The following DENND3 variants were observed in gnomAD, a reference collection of about 807,000 sequenced individuals.
DENND3 encodes the protein DENN domain containing 3, also known as DENN domain-containing protein 3.
Under a neutral mutation model 135.1 loss-of-function variants are expected in DENND3, and 88 were observed. The observed-to-expected ratio is 0.65, with a 90% CI of 0.55 to 0.78. The LOEUF (loss-of-function observed/expected upper bound fraction) is 0.78, where lower values mean the gene tolerates loss of function less well. Ranked by LOEUF, DENND3 falls within the 30% of genes least tolerant of loss-of-function variation. The pLI, the probability that DENND3 is intolerant of heterozygous loss-of-function variation, is 0.00. For synonymous variants in DENND3, 693 were observed against 712.3 expected, an observed-to-expected ratio of 0.97 and a Z score of 0.43; for missense variants, 1,392 against 1,688.4, an observed-to-expected ratio of 0.82 and a Z score of 3.08.
intron 1 of DENND3, among the ~76,000 whole-genome samples, chr8:141,129,434 T>G (rs1205273734): frequency 6.9e-6 from 1 of 145,754 alleles, no homozygotes; most frequent in East Asian, 2.2e-4. Context: ...CCCCCAACCC[T>G]TCCTCCATCT....
chr8:141,162,749 A>C (rs1820290384), intron 9 of DENND3, among the ~76,000 whole-genome samples: 1 of 152,204 alleles, frequency 6.6e-6, no homozygotes, highest in African/African-American at 2.4e-5. Context: ...CCCCATCTCT[A>C]CTAAAAATAT....
At position 141,190,559 on chromosome 8, in the gene DENND3, C is replaced by T. The variant is rs548539591; in HGVS notation, c.3379+142C>T. The T allele has an allele frequency of 1.7e-5, 22 of 1,287,112 alleles. No individual in the cohort carries two copies. The East Asian group carries it at 1.7e-4, about 10-fold the overall frequency. 79.7% of individuals were successfully genotyped at this position (1,287,112 alleles called of 1,614,324 possible). A position where few individuals can be genotyped will look rare whatever the true frequency, so the allele number is the denominator to read the frequency against. On this transcript the variant is annotated intron_variant, in intron 20 of 22. Coordinates refer to ENST00000519811, the MANE Select transcript of DENND3 (RefSeq NM_001352890.3). ...TAAACTCGGGTTCCCTTTCTGTGGT[C>T]GCAGCAACCTTTACTCCACCTGCAC... is the stretch of plus-strand genomic sequence containing the variant.
In DENND3 at chr8:141,146,839, T is replaced by C. The variant is rs1262152229; in HGVS notation, c.735+2580T>C. Among the ~76,000 whole-genome samples the C allele has an allele frequency of 6.6e-6, 1 of 152,142 alleles. No individual in the cohort carries two copies. The highest frequency in any genetic ancestry group is 1.5e-5 in the Non-Finnish European group (1 of 68,026). On this transcript the variant is annotated intron_variant, in intron 5 of 22. Coordinates refer to ENST00000519811, the MANE Select transcript of DENND3 (RefSeq NM_001352890.3). This position sits in a 1 kb window ranked among gnomAD's most constrained non-coding sequence, Gnocchi z 4.3. ...ATAGTTGGCATTTTCTTGTCAACAG[T>C]ATGTGCAGTGAAATCATCAAAGTTT...
intron 8 of DENND3, chr8:141,157,279 G>A: frequency 1.0e-6 from 1 of 982,818 alleles, no homozygotes; most frequent in Non-Finnish European, 1.2e-6. Flanking sequence ...GTGAGAGGAG[G>A]TGTAATTGCT....
chr8:141,157,703 T>C (rs1056448240), intron 8 of DENND3: 2 of 985,822 alleles, frequency 2.0e-6, no homozygotes, highest in Non-Finnish European at 2.4e-6. Flanking sequence ...CTTACCTTGG[T>C]GTGGATTATT....
intron 10 of DENND3, 43 bp from the exon 11 acceptor site, chr8:141,165,143 G>A: frequency 6.6e-7 from 1 of 1,511,784 alleles, no homozygotes; most frequent in Non-Finnish European, 9.2e-7. Context: ...AGGGACCTGG[G>A]GAGTCGGCAC....
chr8:141,182,488 G>A lies in DENND3; in HGVS notation c.2944+1634G>A, dbSNP rs1355641502. The A allele has an allele frequency of 2.0e-6, 2 of 985,418 alleles. No individual in the cohort carries two copies. The highest frequency in any genetic ancestry group is 2.4e-6 in the Non-Finnish European group (2 of 829,910). The allele number at this position is 985,418 out of a possible 1,614,324, so 61.0% of individuals were successfully genotyped here. A position where few individuals can be genotyped will look rare whatever the true frequency, so the allele number is the denominator to read the frequency against. ...TTTGACCGTGGCATTTGAATACATGGTATTTTTAGGTCCCGGTTGGTTTCC... is the reference window on the plus strand; with the variant it reads ...TTTGACCGTGGCATTTGAATACATGATATTTTTAGGTCCCGGTTGGTTTCC... On this transcript the variant is annotated intron_variant, in intron 17 of 22. Coordinates refer to ENST00000519811, the MANE Select transcript of DENND3 (RefSeq NM_001352890.3). The surrounding 1 kb of genome is among the most constrained non-coding windows in gnomAD (Gnocchi z 5.9).
At chr8:141,172,773 C>G (rs1821792410) in intron 13 of DENND3, among the ~76,000 whole-genome samples, 1 of 152,168 alleles carries the variant, frequency 6.6e-6, no homozygotes, top group Non-Finnish European at 1.5e-5. Context: ...AGAGTCTGTG[C>G]CTTGGCTCAC....
chr8:141,185,471 C>T (rs564806401), intron 18 of DENND3, 193 bp downstream of exon 18: 33 of 654,456 alleles, frequency 5.0e-5, no homozygotes, highest in African/African-American at 9.1e-5. Flanking sequence ...TCTACTTACA[C>T]GTCCTTATTG....
Position 141,189,049 on chromosome 8 carries a change from A to C in DENND3, c.3148A>C (p.Ile1050Leu), listed in dbSNP as rs1589719819. 2 of 1,614,218 alleles carry C rather than the reference A, an allele frequency of 1.2e-6. No homozygotes were observed. Among genetic ancestry groups the C allele is most frequent in the East Asian group, 4.5e-5 (2 of 44,894 alleles). ...TGGCTCGGAAGACTCCGTCATCTAC[A>C]TCATCAACGTCCACAGCATGTCCTG... ...WVGSEDSVIYIINVHSMSCNK... is the reference protein window; with the variant it reads ...WVGSEDSVIYLINVHSMSCNK... Residue 1050 changes from isoleucine (I) to leucine (L), a missense_variant, in exon 19 of 23, where the codon ATC becomes CTC. Transcript: ENST00000519811.
intron 9 of DENND3, 95 bp from the exon 10 acceptor site, chr8:141,163,238 G>T: frequency 1.6e-6 from 1 of 617,160 alleles, no homozygotes; most frequent in Non-Finnish European, 2.8e-6. Flanking sequence ...TTCAAAGTTC[G>T]TATCTCTTCT....
chr8:141,192,372 C>T lies in DENND3; in HGVS notation c.3421C>T (p.Leu1141Phe). 1.2e-6 allele frequency: 2 copies of T among 1,614,240 alleles called. No individual in the cohort carries two copies. Among genetic ancestry groups the T allele is most frequent in the Non-Finnish European group, 1.7e-6 (2 of 1,180,038 alleles). ...CATGGTCATGAAAATGAATGGATCC[C>T]TCCATCAAGAATTGAAGATTGAGGA... The part of the protein sequence containing the change: ...SIMVMKMNGS[L>F]HQELKIEENF... Residue 1141 changes from leucine to phenylalanine, a missense_variant, in exon 21 of 23, where the codon CTC becomes TTC. Transcript: ENST00000519811.
intron 1 of DENND3, among the ~76,000 whole-genome samples, chr8:141,133,703 G>A (rs1459976650): frequency 6.6e-6 from 1 of 152,088 alleles, no homozygotes; most frequent in Non-Finnish European, 1.5e-5. Context: ...AGGTCTGCAG[G>A]TGGGGCATGG....
chr8:141,185,818 C>T (rs1483088179), intron 18 of DENND3, among the ~76,000 whole-genome samples: 1 of 151,906 alleles, frequency 6.6e-6, no homozygotes, highest in Non-Finnish European at 1.5e-5. Flanking sequence ...GAGCCATACC[C>T]TGTCTCAAAC....
chr8:141,184,148 T>A (rs555724056), intron 17 of DENND3, among the ~76,000 whole-genome samples: 26 of 152,334 alleles, frequency 1.7e-4, no homozygotes, highest in African/African-American at 5.8e-4. Context: ...AAGACACTTT[T>A]GAGAGGGTGA....
At chr8:141,192,967 G>C in intron 22 of DENND3, 1 of 1,241,100 alleles carries the variant, frequency 8.1e-7, no homozygotes, top group South Asian at 1.5e-5. Context: ...GGTGTCGGCA[G>C]AGCCGCTTCC....
intron 1 of DENND3, among the ~76,000 whole-genome samples, chr8:141,133,311 C>G (rs537567223): frequency 7.3e-6 from 1 of 136,294 alleles, no homozygotes; most frequent in East Asian, 2.6e-4. Flanking sequence ...CAGGGGTGCA[C>G]TGTCCTGACT....
chr8:141,179,080 G>C (rs1322529761), intron 16 of DENND3, among the ~76,000 whole-genome samples: 1 of 152,262 alleles, frequency 6.6e-6, no homozygotes, highest in Admixed American at 6.5e-5. Context: ...TCACTTACGT[G>C]TTTATTTCCT....
chr8:141,185,383 C>T, intron 18 of DENND3, 105 bp downstream of exon 18: 2 of 1,447,474 alleles, frequency 1.4e-6, no homozygotes, highest in East Asian at 4.6e-5. Context: ...TATTCCACAG[C>T]CTCACTCGGT....
Sources: allele counts gnomAD v4.1 joint callset (sites outside exome capture counted in the v4.1 genomes callset), GRCh38; gene constraint gnomAD v4.1.1; non-coding constraint Gnocchi (gnomAD v3.1); transcripts MANE v1.5; gene names NCBI Gene and HGNC (gene_info 2026-07-23, HGNC 2026-07-21).